The following TRNT1 variants were observed in gnomAD, a reference collection of about 807,000 sequenced individuals.
TRNT1 encodes tRNA nucleotidyl transferase 1.
TRNT1 carries 44 observed loss-of-function variants against 45.6 expected under a neutral mutation model. The ratio of observed to expected loss-of-function variants is 0.97; its 90% CI spans 0.76 to 1.24. TRNT1 has a LOEUF of 1.24. Ranked by LOEUF, TRNT1 falls within the 50% of genes most tolerant of loss-of-function variation. TRNT1 has a pLI of 0.00. For synonymous variants in TRNT1, 201 were observed against 171.4 expected (o/e 1.17, Z -1.35); for missense variants, 633 against 504.4 (o/e 1.25, Z -2.44).
chr3:3,145,991 T>G (rs1705991153), intron 5 of TRNT1, among the ~76,000 whole-genome samples: 1 of 151,172 alleles, frequency 6.6e-6, no homozygotes, highest in Admixed American at 6.7e-5. Context: ...AGTACTAATG[T>G]GTACAGACAG....
downstream of TRNT1, among the ~76,000 whole-genome samples, chr3:3,152,222 C>G (rs532061166): frequency 2.2e-4 from 33 of 150,710 alleles, no homozygotes; most frequent in African/African-American, 7.5e-4. Context: ...ACAATCTTGG[C>G]TCACTGCAAC....
chr3:3,146,414 A>G lies in TRNT1; in HGVS notation c.609-16A>G. 1 of 1,598,842 alleles carries G rather than the reference A, an allele frequency of 6.3e-7. No homozygotes were observed. Among genetic ancestry groups the G allele is most frequent in the Non-Finnish European group, 8.5e-7 (1 of 1,173,838 alleles). On this transcript the variant is annotated splice_polypyrimidine_tract_variant and intron_variant, in intron 5 of 7. Coordinates refer to ENST00000251607, the MANE Select transcript of TRNT1 (RefSeq NM_182916.3). Reference sequence around the variant, plus strand: ...CCAATATAGAGGTAATACCCTGTGAAGATTTTGTCTTGTAGGTTTTATGGG... The same window carrying G: ...CCAATATAGAGGTAATACCCTGTGAGGATTTTGTCTTGTAGGTTTTATGGG...
At chr3:3,147,782 C>T (rs1706148971) in intron 7 of TRNT1, 79 bp downstream of exon 7, 1 of 1,523,450 alleles carries the variant, frequency 6.6e-7, no homozygotes, top group Non-Finnish European at 8.8e-7. Context: ...CTAAGATCTA[C>T]AAATCTGTGA....
At chr3:3,151,131 A>AGAGGCAAATTC, downstream of TRNT1, 1 of 1,386,334 alleles carries the variant, frequency 7.2e-7, no homozygotes, top group Non-Finnish European at 1.0e-6. Flanking sequence ...GACAGACTTT[A>AGAGGCAAATTC]GAGGCAAATT....
chr3:3,146,295 C>T (rs546339064), intron 5 of TRNT1, 135 bp from the exon 6 acceptor site: 123 of 486,518 alleles, frequency 2.5e-4, no homozygotes, highest in Admixed American at 1.1e-3. Flanking sequence ...TTCTAAGGTC[C>T]CTTCTAGACC....
At chr3:3,127,764 C>G (rs1704682178) in intron 1 of TRNT1, 1 of 152,228 alleles carries the variant, frequency 6.6e-6, no homozygotes, top group Non-Finnish European at 1.5e-5. Flanking sequence ...CCCCGCATCC[C>G]TCTCATACTG....
rs1219909785 is a variant in TRNT1 at position 3,148,149 on chromosome 3, A to T, written c.1300A>T (p.Thr434Ser). The change falls in exon 8 of 8, where the codon ACC becomes TCC. Residue 434 changes from threonine (T) to serine (S), a missense_variant. By Grantham distance (58) the Thr-to-Ser change is moderately conservative (BLOSUM62 1). Transcript: ENST00000251607. ...KDELLSYIKK[T>S] is the part of the protein sequence containing the mutation. ...TGAACTTCTGAGTTACATAAAGAAG[A>T]CCTAAAACTGATGGCTACTAAAAAG... 3 of 1,611,880 alleles carry T rather than the reference A, an allele frequency of 1.9e-6. No individual in the cohort carries two copies. The highest frequency in any genetic ancestry group is 1.7e-5 in the Admixed American group (1 of 59,740).
At chr3:3,152,202 C>A (rs1028320680), downstream of TRNT1, among the ~76,000 whole-genome samples, 1 of 149,770 alleles carries the variant, frequency 6.7e-6, no homozygotes, top group Non-Finnish European at 1.5e-5. Context: ...CCAGGCTGGA[C>A]TGCAGTGGCA....
intron 4 of TRNT1, 116 bp from the exon 5 acceptor site, chr3:3,144,467 AT>A (rs1705853627): frequency 1.0e-6 from 1 of 994,364 alleles, no homozygotes; most frequent in African/African-American, 1.6e-5. Context: ...ATGTGTTTTA[AT>A]AACTGTTCAC....
chr3:3,135,815 C>T (rs1705293400), intron 2 of TRNT1, among the ~76,000 whole-genome samples: 1 of 152,106 alleles, frequency 6.6e-6, no homozygotes, highest in African/African-American at 2.4e-5. Flanking sequence ...AACAGGGACA[C>T]AAGTTGGGTT....
intron 4 of TRNT1, among the ~76,000 whole-genome samples, chr3:3,143,471 C>T (rs1705787211): frequency 6.6e-6 from 1 of 152,190 alleles, no homozygotes; most frequent in South Asian, 2.1e-4. Context: ...AAAGGCTCTA[C>T]AGTGAAGTCT....
chr3:3,130,207 A>G (rs943914107), intron 2 of TRNT1: 3 of 486,010 alleles, frequency 6.2e-6, no homozygotes, highest in Non-Finnish European at 1.1e-5. Flanking sequence ...CTGGCTATCT[A>G]TTAGATTCAC....
intron 3 of TRNT1, 93 bp downstream of exon 3, chr3:3,137,546 T>G: frequency 8.8e-7 from 1 of 1,140,316 alleles, no homozygotes; most frequent in African/African-American, 1.6e-5. Flanking sequence ...ACGAAAAGTC[T>G]AATAAAAAAG....
chr3:3,148,990 G>A lies in TRNT1; in HGVS notation c.*836G>A, dbSNP rs1473092562. On this transcript the variant is annotated 3_prime_UTR_variant, in exon 8 of 8. Transcript: ENST00000251607. Reference sequence around the variant, plus strand: ...TTCTCTAAAGATTTGAGTCCTAAATGCTTTCATCAGGTAAATAAAATGTAT... The same window carrying A: ...TTCTCTAAAGATTTGAGTCCTAAATACTTTCATCAGGTAAATAAAATGTAT... The A allele has an allele frequency of 1.5e-5, 1 of 64,872 alleles. No individual in the cohort carries two copies. Among genetic ancestry groups the A allele is most frequent in the Non-Finnish European group, 4.1e-5 (1 of 24,552 alleles). The allele number at this position is 64,872 out of a possible 1,614,324, so 4.0% of individuals were successfully genotyped here. A position where few individuals can be genotyped will look rare whatever the true frequency, so the allele number is the denominator to read the frequency against.
Position 3,127,693 on chromosome 3 carries a change from G to A in TRNT1, c.-28+703G>A, listed in dbSNP as rs1335092875. 5 of 152,246 alleles carry A rather than the reference G, an allele frequency of 3.3e-5. No individual in the cohort carries two copies. The East Asian group carries it at 9.6e-4, about 29-fold the overall frequency. The allele number at this position is 152,246 out of a possible 1,614,324, so 9.4% of individuals were successfully genotyped here. ...TCGAGTGCAGGTGGGGAAGTAGGGTGATACCCACCTGTGACCATGACAAGT... is the reference window on the plus strand; with the variant it reads ...TCGAGTGCAGGTGGGGAAGTAGGGTAATACCCACCTGTGACCATGACAAGT... On this transcript the variant is annotated intron_variant, in intron 1 of 7. Transcript: ENST00000251607.
At chr3:3,144,834 T>C (rs1705885222) in intron 5 of TRNT1, 124 bp downstream of exon 5, 1 of 993,010 alleles carries the variant, frequency 1.0e-6, no homozygotes, top group African/African-American at 1.7e-5. Context: ...CTGTCTCCAG[T>C]GGAGACCTAG....
intron 2 of TRNT1, among the ~76,000 whole-genome samples, chr3:3,134,499 A>G (rs1705207057): frequency 6.6e-6 from 1 of 152,176 alleles, no homozygotes; most frequent in African/African-American, 2.4e-5. Flanking sequence ...TACTGAGTAA[A>G]TTTGAACTTA....
At chr3:3,128,872 C>G (rs973903735) in intron 1 of TRNT1, 142 bp from the exon 2 acceptor site, 3 of 646,912 alleles carry the variant, frequency 4.6e-6, no homozygotes, top group Middle Eastern at 3.4e-4. Flanking sequence ...CGTAATCCCT[C>G]AAACTGACAC....
intron 2 of TRNT1, among the ~76,000 whole-genome samples, chr3:3,134,752 AT>A (rs2126012834): frequency 6.6e-6 from 1 of 152,314 alleles, no homozygotes; most frequent in East Asian, 1.9e-4. Flanking sequence ...ATTCAGTTTA[AT>A]TATGAGCCAG....
Sources: allele counts gnomAD v4.1 joint callset (sites outside exome capture counted in the v4.1 genomes callset), GRCh38; gene constraint gnomAD v4.1.1; transcripts MANE v1.5; gene names NCBI Gene and HGNC (gene_info 2026-07-23, HGNC 2026-07-21).